Variants in ADGRL2 observed in about 807,000 individuals in gnomAD.
ADGRL2 encodes the protein adhesion G protein-coupled receptor L2, also known as calcium-independent alpha-latrotoxin receptor 2.
Under a neutral mutation model 157.4 loss-of-function variants are expected in ADGRL2, and 44 were observed. The observed-to-expected ratio is 0.28, with a 90% CI of 0.22 to 0.36. The LOEUF (loss-of-function observed/expected upper bound fraction) is 0.36. Among genes scored for constraint, ADGRL2 ranks in the 10% least tolerant of loss-of-function variants. The probability of loss-of-function intolerance (pLI) is 1.00; values close to 1 mark genes in which losing one functional copy is unlikely to be tolerated. For missense variants in ADGRL2, 1,510 were observed against 1,768.9 expected (o/e 0.85, Z 2.63); for synonymous variants, 585 against 624.7 (o/e 0.94, Z 0.95).
intron 1 of ADGRL2, among the ~76,000 whole-genome samples, chr1:81,719,228 A>C (rs2084216092): frequency 6.6e-6 from 1 of 152,186 alleles, no homozygotes; most frequent in Non-Finnish European, 1.5e-5. Context: ...GATTTATAGA[A>C]CTACTACGTA....
At chr1:81,540,010 A>G (rs1046510676) in intron 2 of ADGRL2, among the ~76,000 whole-genome samples, 2 of 152,160 alleles carry the variant, frequency 1.3e-5, no homozygotes, top group Admixed American at 1.3e-4. Context: ...TAGTGAAATG[A>G]ACCCCAAACT....
intron 1 of ADGRL2, among the ~76,000 whole-genome samples, chr1:81,820,470 A>C (rs556316196): frequency 2.0e-5 from 3 of 152,144 alleles, no homozygotes; most frequent in Non-Finnish European, 4.4e-5. Context: ...ATTGGTGTAA[A>C]TTAAATCTGA....
At chr1:81,520,220 T>C (rs2079280022) in intron 2 of ADGRL2, among the ~76,000 whole-genome samples, 1 of 152,152 alleles carries the variant, frequency 6.6e-6, no homozygotes, top group African/African-American at 2.4e-5. Flanking sequence ...TTGGGTTTTC[T>C]TTGTTTTTTG....
At chr1:81,563,910 C>T (rs998731034) in intron 2 of ADGRL2, among the ~76,000 whole-genome samples, 6 of 152,128 alleles carry the variant, frequency 3.9e-5, no homozygotes, top group Middle Eastern at 3.2e-3. Context: ...TTTGTTTTGT[C>T]TTCATCAACT....
At chr1:81,703,369 A>C (rs2083634507) in intron 1 of ADGRL2, among the ~76,000 whole-genome samples, 1 of 152,184 alleles carries the variant, frequency 6.6e-6, no homozygotes, top group Non-Finnish European at 1.5e-5. Context: ...GATTAATGGA[A>C]CAGGAGTTGG....
At chr1:81,669,193 G>C (rs2082815262) in intron 3 of ADGRL2, among the ~76,000 whole-genome samples, 1 of 152,002 alleles carries the variant, frequency 6.6e-6, no homozygotes, top group Admixed American at 6.6e-5. Flanking sequence ...TACATCTGTA[G>C]TATAAATAGA....
At chr1:81,977,517 TTTTTGCCA>T (rs1355118976) in intron 17 of ADGRL2, among the ~76,000 whole-genome samples, 1 of 151,782 alleles carries the variant, frequency 6.6e-6, no homozygotes, top group Non-Finnish European at 1.5e-5. Context: ...TTGTCCCTGA[TTTTTGCCA>T]TTGAAAAATA....
intron 1 of ADGRL2, among the ~76,000 whole-genome samples, chr1:81,374,901 G>GA (rs2076223458): frequency 6.6e-6 from 1 of 152,192 alleles, no homozygotes; most frequent in Non-Finnish European, 1.5e-5. Flanking sequence ...AAGACACAGA[G>GA]ATCCATCCTT....
In ADGRL2 at chr1:81,344,169, A is replaced by G. The variant is rs537901773; in HGVS notation, c.-302+37660A>G. On this transcript the variant is annotated intron_variant, in intron 1 of 24. Transcript: ENST00000370721. ...CTGCAACCTCCGCCTCCCAGGTTCA[A>G]GCAATTCTCATGCCTGAGCCTCCCA... 5.9e-5 allele frequency among the ~76,000 whole-genome samples: 9 copies of G among 152,226 alleles called. No homozygotes were observed. In the East Asian group the frequency reaches 1.4e-3, roughly 23 times the overall value.
chr1:81,987,410 G>A (rs1663489570), intron 22 of ADGRL2: 1 of 956,890 alleles, frequency 1.0e-6, no homozygotes, highest in Non-Finnish European at 1.7e-6. Context: ...CTTCTGGAAT[G>A]AATTAGCTAA....
intron 3 of ADGRL2, among the ~76,000 whole-genome samples, chr1:81,672,395 C>T (rs1395684026): frequency 6.6e-6 from 1 of 152,114 alleles, no homozygotes; most frequent in African/African-American, 2.4e-5. Context: ...TAACAGTGTC[C>T]TGTGGTATGG....
chr1:81,705,364 G>A (rs1264467333), intron 1 of ADGRL2, among the ~76,000 whole-genome samples: 1 of 152,072 alleles, frequency 6.6e-6, no homozygotes, highest in East Asian at 2.0e-4. Context: ...AATGTATAAT[G>A]TTGTTTGGAT....
chr1:81,930,346 C>G, intron 3 of ADGRL2, among the ~76,000 whole-genome samples: 1 of 152,036 alleles, frequency 6.6e-6, no homozygotes, highest in East Asian at 1.9e-4. Flanking sequence ...TTTCCATATA[C>G]TAGTATGTAA....
intron 1 of ADGRL2, among the ~76,000 whole-genome samples, chr1:81,373,930 G>A (rs2076202946): frequency 6.6e-6 from 1 of 152,180 alleles, no homozygotes. Flanking sequence ...TTCAATAAAT[G>A]TGATCATGTA....
chr1:81,486,287 G>C (rs2147916307), intron 2 of ADGRL2, among the ~76,000 whole-genome samples: 1 of 152,174 alleles, frequency 6.6e-6, no homozygotes, highest in Middle Eastern at 3.4e-3. Flanking sequence ...TCGACTATAA[G>C]CTCCTCAAGG....
chr1:81,742,827 A>G (rs1051052535), intron 1 of ADGRL2, among the ~76,000 whole-genome samples: 3 of 152,110 alleles, frequency 2.0e-5, no homozygotes, highest in African/African-American at 7.2e-5. Flanking sequence ...TCTTACCACA[A>G]ATTTTTCTCT....
chr1:81,673,510 A>ATTTTTTT (rs35732882), intron 3 of ADGRL2, among the ~76,000 whole-genome samples: 2 of 100,156 alleles, frequency 2.0e-5, no homozygotes, highest in African/African-American at 8.0e-5. Context: ...TGTGCCTTCT[A>ATTTTTTT]TTTTTTTTTT....
rs577378886 is a variant in ADGRL2, at chr1:81,672,738, G to GAT, written c.-142-89062_-142-89061dup. On this transcript the variant is annotated intron_variant, in intron 3 of 24. Transcript: ENST00000370721. ...ATGGAAAATTGACTAGTGTTTTAAG[G>GAT]ATATATATATATTTCTAGATTGCCC... Among the ~76,000 whole-genome samples, 488 of 151,814 alleles carry GAT rather than the reference G, an allele frequency of 3.2e-3. 1 individual carries two copies. The highest frequency in any genetic ancestry group is 0.011 in the African/African-American group (440 of 41,394).
chr1:81,670,140 T>C (rs1384086945), intron 3 of ADGRL2, among the ~76,000 whole-genome samples: 1 of 152,198 alleles, frequency 6.6e-6, no homozygotes, highest in Non-Finnish European at 1.5e-5. Flanking sequence ...TGAAAATCTT[T>C]TAATAAATGG....
Sources: allele counts gnomAD v4.1 joint callset (sites outside exome capture counted in the v4.1 genomes callset), GRCh38; gene constraint gnomAD v4.1.1; transcripts MANE v1.5; gene names NCBI Gene and HGNC (gene_info 2026-07-23, HGNC 2026-07-21).